LHFPL2: variants seen among roughly 807,000 people sequenced by gnomAD.
LHFPL2 encodes the protein LHFPL tetraspan subfamily member 2, also known as LHFPL tetraspan subfamily member 2 protein.
In LHFPL2, 7 loss-of-function variants were observed where a neutral mutation model predicts 17.5. The observed-to-expected ratio is 0.40, with a 90% CI of 0.23 to 0.75. The LOEUF is 0.75. LHFPL2 is among the 30% of genes least tolerant of loss of function. The pLI is 0.37. For missense variants in LHFPL2, 241 were observed against 294.8 expected (o/e 0.82, Z 1.34); for synonymous variants, 134 against 116.2 (o/e 1.15, Z -0.99).
At chr5:78,619,719 T>C (rs1042508153) in intron 2 of LHFPL2, among the ~76,000 whole-genome samples, 12 of 140,260 alleles carry the variant, frequency 8.6e-5, no homozygotes, top group Admixed American at 3.6e-4. Flanking sequence ...TGTGTTCTCA[T>C]TGTTCAATTC....
chr5:78,554,171 C>T lies in LHFPL2; in HGVS notation c.-186+10642G>A, dbSNP rs144577416. ...CTTGTCTATCAGTGTTGAAAACTTA[C>T]GACAGTGCAAGGGGCAGACACTGTG... On this transcript the variant is annotated intron_variant, in intron 3 of 4. Coordinates refer to ENST00000380345, the MANE Select transcript of LHFPL2 (RefSeq NM_005779.3). Among the ~76,000 whole-genome samples the T allele has an allele frequency of 2.4e-3, 362 of 152,380 alleles. 1 individual carries two copies. The highest frequency in any genetic ancestry group is 8.4e-3 in the African/African-American group (351 of 41,590).
At chr5:78,500,057 G>A (rs1440449220) in intron 4 of LHFPL2, among the ~76,000 whole-genome samples, 1 of 150,210 alleles carries the variant, frequency 6.7e-6, no homozygotes, top group Non-Finnish European at 1.5e-5. Flanking sequence ...ATCAACTGAC[G>A]ACTTAGTTTT....
chr5:78,611,607 C>T (rs567737513), intron 2 of LHFPL2, among the ~76,000 whole-genome samples: 2 of 152,258 alleles, frequency 1.3e-5, no homozygotes, highest in South Asian at 2.1e-4. Flanking sequence ...GAGGCAATTA[C>T]TAAGGGGGAT....
At chr5:78,638,341 G>A (rs576836784) in intron 1 of LHFPL2, among the ~76,000 whole-genome samples, 2 of 152,108 alleles carry the variant, frequency 1.3e-5, no homozygotes, top group Non-Finnish European at 2.9e-5. Flanking sequence ...GTGACAGAGC[G>A]AGACACCGTC....
intron 2 of LHFPL2, among the ~76,000 whole-genome samples, chr5:78,566,917 G>A (rs1268096436): frequency 1.3e-5 from 2 of 152,086 alleles, no homozygotes; most frequent in Non-Finnish European, 2.9e-5. Flanking sequence ...ATTATGAATG[G>A]GTCTGTTATA....
intron 1 of LHFPL2, among the ~76,000 whole-genome samples, chr5:78,642,973 C>T (rs1037936980): frequency 2.0e-5 from 3 of 152,122 alleles, no homozygotes; most frequent in Non-Finnish European, 2.9e-5. Flanking sequence ...ACCTTGTTCC[C>T]CCCCCTCCTT....
chr5:78,636,243 T>G (rs1039087759), intron 1 of LHFPL2, among the ~76,000 whole-genome samples: 1 of 152,262 alleles, frequency 6.6e-6, no homozygotes, highest in Non-Finnish European at 1.5e-5. Context: ...GTTATTCCTG[T>G]TAACGTATAA....
At chr5:78,509,366 C>G (rs530135099) in intron 4 of LHFPL2, among the ~76,000 whole-genome samples, 3 of 152,330 alleles carry the variant, frequency 2.0e-5, no homozygotes, top group African/African-American at 7.2e-5. Context: ...ATGAGCGCCC[C>G]CGCTTACATT....
intron 1 of LHFPL2, among the ~76,000 whole-genome samples, chr5:78,633,435 G>A (rs1745323083): frequency 6.6e-6 from 1 of 152,238 alleles, no homozygotes; most frequent in South Asian, 2.1e-4. Context: ...CTGGGAACGT[G>A]TCAGAAACAC....
At chr5:78,586,727 GAA>G (rs58105868) in intron 2 of LHFPL2, among the ~76,000 whole-genome samples, 2 of 151,758 alleles carry the variant, frequency 1.3e-5, no homozygotes, top group African/African-American at 4.8e-5. Context: ...TTATAGGGGG[GAA>G]AAAAAAGCCA....
At chr5:78,494,855 T>C (rs1754555100) in intron 4 of LHFPL2, among the ~76,000 whole-genome samples, 2 of 152,338 alleles carry the variant, frequency 1.3e-5, no homozygotes, top group Non-Finnish European at 2.9e-5. Flanking sequence ...GGGCAGAGGC[T>C]ACACAGAGGA....
chr5:78,585,218 G>A (rs542908834), intron 2 of LHFPL2, among the ~76,000 whole-genome samples: 1 of 94,630 alleles, frequency 1.1e-5, no homozygotes, highest in African/African-American at 3.8e-5. Context: ...GTTTTTAGCC[G>A]GGATGGTCTC....
chr5:78,591,158 C>T (rs1743613322), intron 2 of LHFPL2, among the ~76,000 whole-genome samples: 1 of 152,030 alleles, frequency 6.6e-6, no homozygotes, highest in Non-Finnish European at 1.5e-5. Context: ...AAAGAAACTC[C>T]CAGGAAGTAA....
chr5:78,534,542 G>A (rs1328646151), intron 3 of LHFPL2, among the ~76,000 whole-genome samples: 1 of 152,216 alleles, frequency 6.6e-6, no homozygotes, highest in African/African-American at 2.4e-5. Flanking sequence ...GGTGCCTTGT[G>A]ACTGCTGGGT....
intron 3 of LHFPL2, among the ~76,000 whole-genome samples, chr5:78,552,657 C>T (rs1756477879): frequency 6.6e-6 from 1 of 152,202 alleles, no homozygotes; most frequent in African/African-American, 2.4e-5. Context: ...GAGAGAACTA[C>T]TGCAGGGGGG....
Position 78,597,673 on chromosome 5 carries a change from G to A in LHFPL2, c.-244-32802C>T, listed in dbSNP as rs377658052. Among the ~76,000 whole-genome samples, 121 of 152,252 alleles carry A rather than the reference G, an allele frequency of 7.9e-4. 2 individuals carry two copies. The South Asian group carries it at 0.024, about 31-fold the overall frequency. ...TACAGAACAAAAGAAAAGTTGGGAG[G>A]AAAGAGAAATGAAGTAACAAATAAG... is the stretch of plus-strand genomic sequence containing the variant. On this transcript the variant is annotated intron_variant, in intron 2 of 4. Transcript: ENST00000380345.
At chr5:78,535,806 T>C (rs1213591758) in intron 3 of LHFPL2, among the ~76,000 whole-genome samples, 1 of 152,194 alleles carries the variant, frequency 6.6e-6, no homozygotes, top group Non-Finnish European at 1.5e-5. Flanking sequence ...CTCCCAGACC[T>C]GACCTCAACA....
At chr5:78,579,781 G>A (rs535032129) in intron 2 of LHFPL2, among the ~76,000 whole-genome samples, 183 of 152,214 alleles carry the variant, frequency 1.2e-3, no homozygotes, top group Middle Eastern at 6.8e-3. Context: ...CTTTGCTATT[G>A]TGAATAATGC....
chr5:78,607,852 A>C (rs191497040), intron 2 of LHFPL2, among the ~76,000 whole-genome samples: 3,317 of 152,320 alleles, frequency 0.022, 112 homozygotes, highest in African/African-American at 0.076. Flanking sequence ...CTGAACATGC[A>C]AAGTCTATCT....
Sources: allele counts gnomAD v4.1 joint callset (sites outside exome capture counted in the v4.1 genomes callset), GRCh38; gene constraint gnomAD v4.1.1; transcripts MANE v1.5; gene names NCBI Gene and HGNC (gene_info 2026-07-23, HGNC 2026-07-21).